SLC1A1: variants seen among roughly 807,000 people sequenced by gnomAD.
The protein encoded by SLC1A1 is solute carrier family 1 member 1, also known as excitatory amino acid transporter 3.
In SLC1A1, 43 loss-of-function variants were observed where a neutral mutation model predicts 53.3. The observed-to-expected ratio is 0.81, with a 90% CI of 0.63 to 1.04. SLC1A1 has a LOEUF of 1.04. Ranked by LOEUF, SLC1A1 falls within the 50% of genes least tolerant of loss-of-function variation. SLC1A1 has a pLI of 0.00. For synonymous variants in SLC1A1, 307 were observed against 243.2 expected, an observed-to-expected ratio of 1.26 and a Z score of -2.44; for missense variants, 748 against 664.9, an observed-to-expected ratio of 1.12 and a Z score of -1.37.
intron 10 of SLC1A1, 41 bp downstream of exon 10, chr9:4,576,804 G>T: frequency 6.5e-7 from 1 of 1,546,974 alleles, no homozygotes; most frequent in South Asian, 1.1e-5. Context: ...ACTGATACAG[G>T]GATTACCGCC....
intron 1 of SLC1A1, among the ~76,000 whole-genome samples, chr9:4,526,419 T>C (rs1237084602): frequency 2.0e-5 from 3 of 152,154 alleles, no homozygotes; most frequent in African/African-American, 7.2e-5. Context: ...CCATGTGAGT[T>C]AGATTTTTCA....
intron 1 of SLC1A1, among the ~76,000 whole-genome samples, chr9:4,522,561 C>T (rs1018157289): frequency 6.6e-6 from 1 of 152,042 alleles, no homozygotes; most frequent in African/African-American, 2.4e-5. Flanking sequence ...CCTGTTCTGA[C>T]AAGGCTATAA....
At position 4,583,088 on chromosome 9, in the gene SLC1A1, G is replaced by C; in HGVS notation, c.1244G>C (p.Gly415Ala). Residue 415 changes from glycine to alanine, a missense_variant, in exon 11 of 12, where the codon GGC becomes GCC. Coordinates refer to ENST00000262352, the MANE Select transcript of SLC1A1 (RefSeq NM_004170.6). The surrounding 1 kb of genome is among the most constrained non-coding windows in gnomAD (Gnocchi z 4.6). The part of the protein sequence containing the change: ...SIGAAGVPQA[G>A]LVTMVIVLSA... ...GGAGCTGCTGGCGTGCCCCAGGCTG[G>C]CCTGGTGACCATGGTGATTGTGCTG... is the stretch of plus-strand genomic sequence containing the variant. 2 of 1,614,214 alleles carry C rather than the reference G, an allele frequency of 1.2e-6. No homozygotes were observed. Among genetic ancestry groups the C allele is most frequent in the Non-Finnish European group, 1.7e-6 (2 of 1,180,040 alleles).
chr9:4,544,740 G>C (rs1434635088), intron 2 of SLC1A1, 33 bp downstream of exon 2: 1 of 1,574,552 alleles, frequency 6.4e-7, no homozygotes, highest in Non-Finnish European at 8.7e-7. Context: ...CTCTATATTA[G>C]TCCATTTTCA....
At chr9:4,520,315 C>G (rs1002780688) in intron 1 of SLC1A1, among the ~76,000 whole-genome samples, 1 of 152,192 alleles carries the variant, frequency 6.6e-6, no homozygotes, top group Admixed American at 6.5e-5. Flanking sequence ...AAAAGTTTCA[C>G]TGTGATGTCA....
chr9:4,502,823 T>C (rs1384561567), intron 1 of SLC1A1, among the ~76,000 whole-genome samples: 1 of 151,780 alleles, frequency 6.6e-6, no homozygotes, highest in Non-Finnish European at 1.5e-5. Context: ...TAAAGCCTAT[T>C]CTCCTCCTTC....
In SLC1A1 at chr9:4,561,491, T is replaced by A. The variant is rs779058264; in HGVS notation, c.275T>A (p.Leu92Gln). ...LDSNVSGKIG[L>Q]RAVVYYFCTT... The stretch of plus-strand genomic sequence containing the variant: ...TCCAACGTATCCGGAAAAATTGGTC[T>A]GCGCGCTGTCGTGTATTATTTCTGT... Residue 92 changes from leucine to glutamine, a missense_variant, in exon 3 of 12, where the codon CTG becomes CAG. Coordinates refer to ENST00000262352, the MANE Select transcript of SLC1A1 (RefSeq NM_004170.6). 1.7e-5 allele frequency: 28 copies of A among 1,611,396 alleles called. No homozygotes were observed. Among genetic ancestry groups the A allele is most frequent in the Non-Finnish European group, 2.3e-5 (27 of 1,177,628 alleles).
At chr9:4,580,601 A>ACG (rs1820979661) in intron 10 of SLC1A1, among the ~76,000 whole-genome samples, 1 of 69,700 alleles carries the variant, frequency 1.4e-5, no homozygotes, top group Non-Finnish European at 3.1e-5. Flanking sequence ...AAAAATATAT[A>ACG]TGTGTGTGTG....
chr9:4,510,394 A>G (rs945339284), intron 1 of SLC1A1, among the ~76,000 whole-genome samples: 2 of 152,192 alleles, frequency 1.3e-5, no homozygotes, highest in South Asian at 2.1e-4. Flanking sequence ...TCTCCCCACT[A>G]TAATTTAGGA....
At chr9:4,576,270 C>A in intron 9 of SLC1A1, 147 bp downstream of exon 9, 1 of 802,992 alleles carries the variant, frequency 1.2e-6, no homozygotes, top group Non-Finnish European at 2.1e-6. Context: ...GCCCTGAACA[C>A]ATTGCTTCAT....
rs1431598216 is a variant in SLC1A1, at chr9:4,490,675, C to T, written c.-5C>T. The T allele has an allele frequency of 6.2e-7, 1 of 1,612,026 alleles. No homozygotes were observed. Among genetic ancestry groups the T allele is most frequent in the South Asian group, 1.1e-5 (1 of 91,030 alleles). ...CGAGCCCAGCGCACAATAGCGGCGA[C>T]AGCCATGGGGAAACCGGCGAGGAAA... On this transcript the variant is annotated 5_prime_UTR_variant, in exon 1 of 12. Transcript: ENST00000262352.
At chr9:4,552,478 G>A (rs1818015561) in intron 2 of SLC1A1, among the ~76,000 whole-genome samples, 1 of 152,130 alleles carries the variant, frequency 6.6e-6, no homozygotes, top group South Asian at 2.1e-4. Flanking sequence ...TGCTGGAAAC[G>A]TGGGCAAGAG....
At chr9:4,533,379 C>T (rs1816550795) in intron 1 of SLC1A1, among the ~76,000 whole-genome samples, 1 of 151,930 alleles carries the variant, frequency 6.6e-6, no homozygotes, top group African/African-American at 2.4e-5. Context: ...ATCTACCAAG[C>T]AAATGGAAAA....
intron 1 of SLC1A1, among the ~76,000 whole-genome samples, chr9:4,518,791 G>GAC (rs1219408230): frequency 6.6e-6 from 1 of 152,208 alleles, no homozygotes; most frequent in Non-Finnish European, 1.5e-5. Context: ...AGGCACAAGT[G>GAC]ACAGGGAAGG....
At chr9:4,497,210 A>G (rs1291456029) in intron 1 of SLC1A1, among the ~76,000 whole-genome samples, 1 of 152,140 alleles carries the variant, frequency 6.6e-6, no homozygotes, top group Non-Finnish European at 1.5e-5. Flanking sequence ...GTATTAAATG[A>G]TTTAATCTTT....
At chr9:4,533,251 T>C (rs1816545791) in intron 1 of SLC1A1, among the ~76,000 whole-genome samples, 1 of 152,166 alleles carries the variant, frequency 6.6e-6, no homozygotes, top group Non-Finnish European at 1.5e-5. Context: ...ATGCTCCAAT[T>C]AAAAGACACA....
chr9:4,540,414 C>T (rs558656561), intron 1 of SLC1A1, among the ~76,000 whole-genome samples: 2 of 152,270 alleles, frequency 1.3e-5, no homozygotes, highest in East Asian at 1.9e-4. Context: ...CCTGTGCTCT[C>T]GGTAGAGAGC....
In SLC1A1 at chr9:4,511,752, A is replaced by G. The variant is rs536259088; in HGVS notation, c.91+20982A>G. On this transcript the variant is annotated intron_variant, in intron 1 of 11. Coordinates refer to ENST00000262352, the MANE Select transcript of SLC1A1 (RefSeq NM_004170.6). ...GCAACAGGGCAAGAAAAAGAAATAA[A>G]AGGCATTTTGAAAAGAAAGAAACAA... Among the ~76,000 whole-genome samples, 5 of 152,326 alleles carry G rather than the reference A, an allele frequency of 3.3e-5. No homozygotes were observed. The South Asian group carries it at 8.3e-4, about 25-fold the overall frequency.
Position 4,490,530 on chromosome 9 carries a change from G to T in SLC1A1, c.-150G>T. The stretch of plus-strand genomic sequence containing the variant: ...CGCGATCCCGGGTGGCGGCGGCAAC[G>T]GCGGTGGTGACGGCGGCGACTGCAG... On this transcript the variant is annotated 5_prime_UTR_variant, in exon 1 of 12. Coordinates refer to ENST00000262352, the MANE Select transcript of SLC1A1 (RefSeq NM_004170.6). The T allele has an allele frequency of 2.2e-6, 1 of 461,016 alleles. No individual in the cohort carries two copies. The highest frequency in any genetic ancestry group is 3.8e-6 in the Non-Finnish European group (1 of 266,138). The allele number at this position is 461,016 out of a possible 1,614,324, so 28.6% of individuals were successfully genotyped here.
Sources: allele counts gnomAD v4.1 joint callset (sites outside exome capture counted in the v4.1 genomes callset), GRCh38; gene constraint gnomAD v4.1.1; non-coding constraint Gnocchi (gnomAD v3.1); transcripts MANE v1.5; gene names NCBI Gene and HGNC (gene_info 2026-07-23, HGNC 2026-07-21).